The following EDA2R variants were observed in gnomAD, a reference collection of about 807,000 sequenced individuals.
The protein encoded by EDA2R is tumor necrosis factor receptor superfamily member 27.
In EDA2R, 26 loss-of-function variants were observed where a neutral mutation model predicts 20.1. That is an observed-to-expected ratio of 1.30 (90% confidence interval 0.95 to 1.80). EDA2R has a LOEUF of 1.80. Ranked by LOEUF, EDA2R falls within the 40% of genes most tolerant of loss-of-function variation. The pLI, the probability that EDA2R is intolerant of heterozygous loss-of-function variation, is 0.00. For synonymous variants in EDA2R, 114 were observed against 88.7 expected (o/e 1.29, Z -1.60); for missense variants, 277 against 228.7 (o/e 1.21, Z -1.36).
chrX:66,604,374 C>T (rs761794458), intron 4 of EDA2R, 47 bp downstream of exon 4: 1 of 1,147,451 alleles, frequency 8.7e-7, no homozygotes. Context: ...ATCTTGCTGC[C>T]ACCCAATGGG....
chrX:66,615,115 G>C lies in EDA2R; in HGVS notation c.87+819C>G, dbSNP rs764106098. ...CCAGATTCTTCATTTATCTCTGTAT[G>C]TGTCTCAATTATTATTTTTTCACTA... On this transcript the variant is annotated intron_variant, in intron 2 of 6. Coordinates refer to ENST00000374719, the MANE Select transcript of EDA2R (RefSeq NM_021783.5). 5.4e-5 allele frequency among the ~76,000 whole-genome samples: 6 copies of C among 111,629 alleles called. No homozygotes were observed. In the South Asian group the frequency reaches 2.3e-3, roughly 42 times the overall value.
In EDA2R at chrX:66,605,238, T is replaced by C; in HGVS notation, c.88-12A>G. 8.4e-7 allele frequency: 1 copy of C among 1,193,943 alleles called. No homozygotes were observed. On this transcript the variant is annotated splice_polypyrimidine_tract_variant and intron_variant, in intron 2 of 6. Transcript: ENST00000374719. ...CCATAACCACAATCCTGTAGACAGATGGGGGTTGTTAATATTGCTTTATAG... is the reference window on the plus strand; with the variant it reads ...CCATAACCACAATCCTGTAGACAGACGGGGGTTGTTAATATTGCTTTATAG...
chrX:66,629,890 C>A (rs1933548827), intron 1 of EDA2R, among the ~76,000 whole-genome samples: 3 of 111,192 alleles, frequency 2.7e-5, no homozygotes, highest in Non-Finnish European at 5.7e-5. Context: ...CAAAACAAGA[C>A]TATGCAAAAA....
At position 66,602,637 on chromosome X, in the gene EDA2R, C is replaced by T. The variant is rs61761340; in HGVS notation, c.513G>A (p.Gln171=). The T allele has an allele frequency of 2.7e-5, 32 of 1,192,409 alleles. No homozygotes were observed. The East Asian group carries it at 7.3e-4, about 27-fold the overall frequency. Residue 171 remains glutamine, a synonymous_variant, in exon 5 of 7, where the codon CAG becomes CAA. Transcript: ENST00000374719. ...YCKQFFNRHC[Q]RGGLLQFEAD... ...ACATGAAACAGCCACCCTTACCACG[C>T]TGGCAATGTCTGTTGAAGAACTGCT... is the stretch of plus-strand genomic sequence containing the variant.
At position 66,625,961 on chromosome X, in the gene EDA2R, G is replaced by T. The variant is rs140627427; in HGVS notation, c.-10-9931C>A. Among the ~76,000 whole-genome samples, 680 of 111,770 alleles carry T rather than the reference G, an allele frequency of 6.1e-3. 3 individuals are homozygous for T. The highest frequency in any genetic ancestry group is 9.2e-3 in the Middle Eastern group (2 of 217). On this transcript the variant is annotated intron_variant, in intron 1 of 6. Transcript: ENST00000374719. ...ACAGGAAGCCACATCCATAGGTAAAGGGGGAGAGTACTACATCAAGGGAAC... is the reference window on the plus strand; with the variant it reads ...ACAGGAAGCCACATCCATAGGTAAATGGGGAGAGTACTACATCAAGGGAAC...
chrX:66,624,079 A>T (rs1932851226), intron 1 of EDA2R, among the ~76,000 whole-genome samples: 1 of 112,595 alleles, frequency 8.9e-6, no homozygotes, highest in African/African-American at 3.2e-5. Flanking sequence ...TATTTGTTGA[A>T]TGATAAAATG....
rs759036337 is a variant in EDA2R at position 66,615,962 on chromosome X, C to T, written c.59G>A (p.Arg20Gln). 151 of 1,208,612 alleles carry T rather than the reference C, an allele frequency of 1.2e-4. No individual in the cohort carries two copies. Among genetic ancestry groups the T allele is most frequent in the Non-Finnish European group, 1.6e-4 (143 of 894,363 alleles). ...GGATAGCTCCTGTCCAGGACCACAC[C>T]GTTGGCAGGTGACACACCGTCCCCA... ...DQWGRCVTCQ[R>Q]CGPGQELSKD... The change falls in exon 2 of 7, where the codon CGG becomes CAG. Residue 20 changes from arginine (R) to glutamine (Q), a missense_variant. Physicochemically the swap from Arg to Gln is conservative, Grantham distance 43. Transcript: ENST00000374719.
chrX:66,607,696 AAAAC>A (rs1929946185), intron 2 of EDA2R, among the ~76,000 whole-genome samples: 1 of 111,878 alleles, frequency 8.9e-6, no homozygotes, highest in South Asian at 3.7e-4. Flanking sequence ...ACAAATCTAG[AAAAC>A]AAACAAACAA....
At chrX:66,627,177 A>T (rs749110249) in intron 1 of EDA2R, among the ~76,000 whole-genome samples, 7 of 112,192 alleles carry the variant, frequency 6.2e-5, no homozygotes, top group Admixed American at 4.7e-4. Flanking sequence ...TTAAAGCATA[A>T]ATCACACAGG....
intron 1 of EDA2R, among the ~76,000 whole-genome samples, chrX:66,631,956 G>A (rs1933860110): frequency 8.9e-6 from 1 of 112,094 alleles, no homozygotes; most frequent in Non-Finnish European, 1.9e-5. Context: ...GTTGAAGTTG[G>A]AGATGTGTCA....
At chrX:66,616,305 C>T (rs945235066) in intron 1 of EDA2R, among the ~76,000 whole-genome samples, 1 of 112,204 alleles carries the variant, frequency 8.9e-6, no homozygotes, top group African/African-American at 3.2e-5. Flanking sequence ...GAAACTGAGG[C>T]AAAGAGACCA....
In EDA2R at chrX:66,605,098, C is replaced by G; in HGVS notation, c.216G>C (p.Lys72Asn). The G allele has an allele frequency of 8.3e-7, 1 of 1,209,099 alleles. No homozygotes were observed. The highest frequency in any genetic ancestry group is 1.1e-6 in the Non-Finnish European group (1 of 894,296). Residue 72 changes from lysine to asparagine, a missense_variant, in exon 3 of 7, where the codon AAG (lysine) becomes AAC (asparagine). Transcript: ENST00000374719. ...CATTAGAGGTAGCTGTGCAGTTGAC[C>G]TTCTGAACACGATTGATGACAGCAC... ...ITCAVINRVQ[K>N]VNCTATSNAV...
chrX:66,603,034 C>T (rs1928940758), intron 4 of EDA2R, among the ~76,000 whole-genome samples: 1 of 111,982 alleles, frequency 8.9e-6, no homozygotes, highest in Non-Finnish European at 1.9e-5. Flanking sequence ...ATGCACATAT[C>T]CTGTGATCTT....
chrX:66,621,787 C>A (rs1328352439), intron 1 of EDA2R, among the ~76,000 whole-genome samples: 1 of 111,825 alleles, frequency 8.9e-6, no homozygotes, highest in Non-Finnish European at 1.9e-5. Flanking sequence ...ATGTTTCTTT[C>A]TAGGGTCATG....
chrX:66,626,897 C>T (rs1933151218), intron 1 of EDA2R, among the ~76,000 whole-genome samples: 1 of 108,849 alleles, frequency 9.2e-6, no homozygotes, highest in African/African-American at 3.4e-5. Context: ...CAAGGAAAAC[C>T]CATCAGATTA....
intron 2 of EDA2R, among the ~76,000 whole-genome samples, chrX:66,606,589 G>A (rs947710720): frequency 4.5e-5 from 5 of 112,015 alleles, no homozygotes; most frequent in African/African-American, 1.6e-4. Context: ...TCAGAACTCT[G>A]GAAAACATTC....
chrX:66,609,209 A>T (rs1930273288), intron 2 of EDA2R, among the ~76,000 whole-genome samples: 1 of 112,213 alleles, frequency 8.9e-6, no homozygotes, highest in African/African-American at 3.2e-5. Flanking sequence ...AGTCACATTC[A>T]GGAATAAACC....
chrX:66,634,958 G>A (rs751592923), intron 1 of EDA2R, among the ~76,000 whole-genome samples: 15 of 111,847 alleles, frequency 1.3e-4, no homozygotes, highest in Non-Finnish European at 2.4e-4. Context: ...TAACCACAAC[G>A]GTGACTAACA....
chrX:66,638,466 C>T (rs1052334335), intron 1 of EDA2R, among the ~76,000 whole-genome samples: 1 of 110,780 alleles, frequency 9.0e-6, no homozygotes, highest in African/African-American at 3.3e-5. Flanking sequence ...TAACACTGCC[C>T]GGGGCTCAGC....
Sources: gnomAD v4.1 joint callset for allele counts (sites outside exome capture counted in the v4.1 genomes callset) on GRCh38, gnomAD v4.1.1 for gene constraint, MANE v1.5 for transcripts, NCBI Gene and HGNC (gene_info 2026-07-23, HGNC 2026-07-21) for gene names.